The following NTRK2 variants were observed in gnomAD, a reference collection of about 807,000 sequenced individuals.
NTRK2 encodes the protein neurotrophic receptor tyrosine kinase 2, also known as BDNF/NT-3 growth factors receptor.
A neutral mutation model predicts 94.5 loss-of-function variants in NTRK2; 13 were observed. The ratio of observed to expected loss-of-function variants is 0.14; its 90% CI spans 0.09 to 0.22. NTRK2 has a LOEUF of 0.22. Among genes scored for constraint, NTRK2 ranks in the 10% least tolerant of loss-of-function variants. The probability of loss-of-function intolerance (pLI) is 1.00; values close to 1 mark genes in which losing one functional copy is unlikely to be tolerated. For missense variants in NTRK2, 639 were observed against 1,071.2 expected, an observed-to-expected ratio of 0.60 and a Z score of 5.63; for synonymous variants, 372 against 407.4, an observed-to-expected ratio of 0.91 and a Z score of 1.05.
At chr9:84,753,590 C>CA (rs897607492) in intron 12 of NTRK2, among the ~76,000 whole-genome samples, 2 of 152,200 alleles carry the variant, frequency 1.3e-5, no homozygotes, top group Non-Finnish European at 2.9e-5. Flanking sequence ...AAACCAAACT[C>CA]ACCCACAGCT....
At chr9:84,745,910 C>T (rs1423431693) in intron 11 of NTRK2, among the ~76,000 whole-genome samples, 1 of 152,094 alleles carries the variant, frequency 6.6e-6, no homozygotes, top group Non-Finnish European at 1.5e-5. Flanking sequence ...GTCACATGAT[C>T]CCAGGGGTCT....
At chr9:84,919,706 A>G (rs2077502567) in intron 14 of NTRK2, among the ~76,000 whole-genome samples, 1 of 152,190 alleles carries the variant, frequency 6.6e-6, no homozygotes, top group Non-Finnish European at 1.5e-5. Flanking sequence ...CTTAAGTTGA[A>G]CCAGGAAAAT....
At chr9:84,734,819 C>T (rs559334276) in intron 9 of NTRK2, among the ~76,000 whole-genome samples, 4 of 152,268 alleles carry the variant, frequency 2.6e-5, no homozygotes, top group South Asian at 4.2e-4. Flanking sequence ...CCCAGTCCTG[C>T]GTATGTCTTT....
intron 17 of NTRK2, among the ~76,000 whole-genome samples, chr9:85,003,842 T>A (rs1446057877): frequency 6.6e-6 from 1 of 150,712 alleles, no homozygotes; most frequent in East Asian, 1.9e-4. Flanking sequence ...CAGAATATGT[T>A]CTGCAGGTAG....
chr9:84,822,678 G>A (rs144106794), intron 12 of NTRK2, among the ~76,000 whole-genome samples: 10 of 152,238 alleles, frequency 6.6e-5, no homozygotes, highest in Admixed American at 5.2e-4. Flanking sequence ...AGTTACTGGC[G>A]AGGCTGCTGG....
chr9:84,792,672 G>A (rs899060332), intron 12 of NTRK2, among the ~76,000 whole-genome samples: 2 of 152,186 alleles, frequency 1.3e-5, no homozygotes, highest in Non-Finnish European at 2.9e-5. Context: ...CTGAGGCACT[G>A]TACTAAGGCT....
rs1230149185 is a variant in NTRK2, at chr9:84,991,567, CCTT to C, written c.2173-28632_2173-28630del. The stretch of plus-strand genomic sequence containing the variant: ...TTCTCCCTCTCCCTTCCCTTTGAGC[CCTT>C]CTTCTTTGGAAATTCACCAGTGGAA... On this transcript the variant is annotated intron_variant, in intron 17 of 18. Transcript: ENST00000277120. Among the ~76,000 whole-genome samples, 7 of 152,276 alleles carry C rather than the reference CCTT, an allele frequency of 4.6e-5. No individual in the cohort carries two copies. The East Asian group carries it at 1.4e-3, about 29-fold the overall frequency.
chr9:85,008,648 G>A (rs1455343676), intron 17 of NTRK2, among the ~76,000 whole-genome samples: 1 of 152,162 alleles, frequency 6.6e-6, no homozygotes, highest in Non-Finnish European at 1.5e-5. Flanking sequence ...TTAAAGGGAG[G>A]TGATGTCTTG....
intron 6 of NTRK2, 110 bp downstream of exon 6, chr9:84,710,901 T>C: frequency 1.9e-6 from 2 of 1,050,046 alleles, no homozygotes; most frequent in Middle Eastern, 2.1e-4. Context: ...AGTATTCTGT[T>C]GATGTCTCCA....
At chr9:84,797,602 T>C (rs559513646) in intron 12 of NTRK2, among the ~76,000 whole-genome samples, 49 of 80,752 alleles carry the variant, frequency 6.1e-4, no homozygotes, top group Middle Eastern at 5.5e-3. Flanking sequence ...ATACTATATA[T>C]TATATATAAT....
chr9:84,751,664 C>T (rs1432423585), intron 11 of NTRK2, among the ~76,000 whole-genome samples: 2 of 152,174 alleles, frequency 1.3e-5, no homozygotes, highest in Non-Finnish European at 2.9e-5. Flanking sequence ...GCCCACCTCT[C>T]TTTCTCTCTC....
At chr9:85,016,565 A>T (rs1832252641) in intron 17 of NTRK2, among the ~76,000 whole-genome samples, 1 of 152,202 alleles carries the variant, frequency 6.6e-6, no homozygotes, top group South Asian at 2.1e-4. Context: ...CAAATGTCTC[A>T]TTGTGTTTGT....
chr9:84,702,408 C>T lies in NTRK2; in HGVS notation c.348C>T (p.Asn116=). Reference sequence around the variant, plus strand: ...ATAAAGCATTTCTGAAAAACAGCAACCTGCAGCACATGTAAGTAGAGATTG... The same window carrying T: ...ATAAAGCATTTCTGAAAAACAGCAATCTGCAGCACATGTAAGTAGAGATTG... ...VAHKAFLKNS[N]LQHINFTRNK... is the part of the protein sequence containing the mutation. The change falls in exon 4 of 19, where the codon AAC becomes AAT. Residue 116 remains asparagine, a synonymous_variant. Coordinates refer to ENST00000277120, the MANE Select transcript of NTRK2 (RefSeq NM_006180.6). The T allele has an allele frequency of 1.9e-6, 3 of 1,613,648 alleles. No individual in the cohort carries two copies. Among genetic ancestry groups the T allele is most frequent in the Non-Finnish European group, 2.5e-6 (3 of 1,179,538 alleles).
chr9:84,909,908 A>G (rs141786705), intron 14 of NTRK2, among the ~76,000 whole-genome samples: 389 of 152,326 alleles, frequency 2.6e-3, no homozygotes, highest in African/African-American at 8.9e-3. Flanking sequence ...CAGGATAAAA[A>G]TGTAAAGCAA....
At chr9:84,828,202 T>C (rs2131636965) in intron 12 of NTRK2, among the ~76,000 whole-genome samples, 1 of 152,286 alleles carries the variant, frequency 6.6e-6, no homozygotes, top group East Asian at 1.9e-4. Context: ...GCATTACATC[T>C]GGGGAAAAGT....
intron 17 of NTRK2, among the ~76,000 whole-genome samples, chr9:85,009,522 C>T (rs757972219): frequency 1.3e-5 from 2 of 152,118 alleles, no homozygotes; most frequent in Admixed American, 6.5e-5. Flanking sequence ...CTGCTTGTAG[C>T]ATGTGCACTT....
intron 15 of NTRK2, among the ~76,000 whole-genome samples, chr9:84,936,100 T>C (rs2078205998): frequency 6.6e-6 from 1 of 152,084 alleles, no homozygotes; most frequent in African/African-American, 2.4e-5. Context: ...ACTCTTTGAA[T>C]GTAAAGAAAT....
At chr9:85,001,972 A>T (rs1459749959) in intron 17 of NTRK2, among the ~76,000 whole-genome samples, 1 of 152,202 alleles carries the variant, frequency 6.6e-6, no homozygotes, top group Non-Finnish European at 1.5e-5. Context: ...GGGACTTCAC[A>T]GCTGTCCTCA....
chr9:84,921,079 C>T (rs2077551293), intron 14 of NTRK2, among the ~76,000 whole-genome samples: 1 of 152,202 alleles, frequency 6.6e-6, no homozygotes, highest in South Asian at 2.1e-4. Flanking sequence ...CACTGAAGCT[C>T]TCCCAGGAGA....
Sources: gnomAD v4.1 joint callset for allele counts (sites outside exome capture counted in the v4.1 genomes callset) on GRCh38, gnomAD v4.1.1 for gene constraint, MANE v1.5 for transcripts, NCBI Gene and HGNC (gene_info 2026-07-23, HGNC 2026-07-21) for gene names.